The following CALD1 variants were observed in gnomAD, a reference collection of about 807,000 sequenced individuals.
CALD1 encodes the protein caldesmon 1, also known as caldesmon.
A neutral mutation model predicts 99.9 loss-of-function variants in CALD1; 33 were observed. That is an observed-to-expected ratio of 0.33 (90% confidence interval 0.25 to 0.44). CALD1 has a LOEUF of 0.44. Ranked by LOEUF, CALD1 falls within the 20% of genes least tolerant of loss-of-function variation. The probability of loss-of-function intolerance (pLI) is 1.00; values close to 1 mark genes in which losing one functional copy is unlikely to be tolerated. For missense variants in CALD1, 861 were observed against 962.1 expected, an observed-to-expected ratio of 0.89 and a Z score of 1.39; for synonymous variants, 310 against 325.0, an observed-to-expected ratio of 0.95 and a Z score of 0.50.
At chr7:134,891,390 G>T (rs559607001) in intron 3 of CALD1, 2 of 1,268,114 alleles carry the variant, frequency 1.6e-6, no homozygotes, top group Admixed American at 3.6e-5. Flanking sequence ...TGATGATCCT[G>T]TGAGGAGGGA....
chr7:134,878,721 G>C (rs1801462569), intron 3 of CALD1, among the ~76,000 whole-genome samples: 1 of 152,144 alleles, frequency 6.6e-6, no homozygotes, highest in Non-Finnish European at 1.5e-5. Context: ...CAACACTTTG[G>C]GAGGCTGAGG....
At chr7:134,888,007 A>G (rs534539899) in intron 3 of CALD1, among the ~76,000 whole-genome samples, 3 of 152,332 alleles carry the variant, frequency 2.0e-5, no homozygotes, top group African/African-American at 7.2e-5. Flanking sequence ...TGCAGACTCT[A>G]AAGTCTGGAA....
chr7:134,775,726 A>T (rs947728616), upstream of CALD1, among the ~76,000 whole-genome samples: 3 of 151,536 alleles, frequency 2.0e-5, no homozygotes, highest in African/African-American at 7.3e-5. Flanking sequence ...AAAAAAAAAG[A>T]AAAGAATAAT....
intron 1 of CALD1, among the ~76,000 whole-genome samples, chr7:134,773,428 C>T (rs568787861): frequency 3.9e-5 from 6 of 152,240 alleles, no homozygotes; most frequent in African/African-American, 1.4e-4. Context: ...CGTGTGCCAC[C>T]ATGCTCAGCT....
chr7:134,742,351 C>A (rs1399861917), upstream of CALD1, among the ~76,000 whole-genome samples: 1 of 152,174 alleles, frequency 6.6e-6, no homozygotes, highest in Admixed American at 6.5e-5. Flanking sequence ...AATGAGATCA[C>A]CCTTGGAGAA....
chr7:134,716,775 G>T, the CALD1 span, among the ~76,000 whole-genome samples: 1 of 152,122 alleles, frequency 6.6e-6, no homozygotes, highest in Admixed American at 6.5e-5. Context: ...TTTTATTAAG[G>T]AATAGTATTT....
chr7:134,874,145 G>A (rs1801234538), intron 3 of CALD1, among the ~76,000 whole-genome samples: 1 of 151,682 alleles, frequency 6.6e-6, no homozygotes, highest in Non-Finnish European at 1.5e-5. Context: ...CCGAAAGAAT[G>A]TTGAGCTGTG....
chr7:134,756,641 T>C (rs951169723), intron 1 of CALD1, among the ~76,000 whole-genome samples: 1 of 152,204 alleles, frequency 6.6e-6, no homozygotes, highest in Non-Finnish European at 1.5e-5. Flanking sequence ...AGCTCCCACA[T>C]TGAGGACCTG....
At chr7:134,913,330 C>A (rs529949200) in intron 3 of CALD1, among the ~76,000 whole-genome samples, 1 of 152,128 alleles carries the variant, frequency 6.6e-6, no homozygotes. Context: ...ATAAACTGAA[C>A]TTAGAACCAG....
intron 1 of CALD1, among the ~76,000 whole-genome samples, chr7:134,838,035 C>T (rs12666326): frequency 0.14 from 21,246 of 152,186 alleles, 1,617 homozygotes; most frequent in African/African-American, 0.2. Context: ...CAGAATGCCA[C>T]AAAAATTCTG....
the CALD1 span, among the ~76,000 whole-genome samples, chr7:134,726,276 A>C: frequency 6.7e-6 from 1 of 149,046 alleles, no homozygotes; most frequent in Non-Finnish European, 1.5e-5. Context: ...CAATTAGCAT[A>C]TATAACTATA....
intron 1 of CALD1, among the ~76,000 whole-genome samples, chr7:134,832,365 G>C (rs1030504584): frequency 1.6e-4 from 24 of 152,166 alleles, no homozygotes; most frequent in African/African-American, 5.1e-4. Flanking sequence ...ATTTCTAGTG[G>C]GTGGTGGGAG....
intron 2 of CALD1, among the ~76,000 whole-genome samples, chr7:134,844,978 C>T (rs561487887): frequency 2.5e-4 from 38 of 152,286 alleles, no homozygotes; most frequent in Middle Eastern, 3.4e-3. Context: ...AGGATTTCAA[C>T]GTATGAATTT....
chr7:134,841,338 G>C (rs1799640275), intron 1 of CALD1, among the ~76,000 whole-genome samples: 1 of 152,082 alleles, frequency 6.6e-6, no homozygotes, highest in Non-Finnish European at 1.5e-5. Flanking sequence ...TTAATAATGT[G>C]TTATTATTAC....
chr7:134,805,842 C>T (rs1356956008), intron 1 of CALD1, among the ~76,000 whole-genome samples: 1 of 151,374 alleles, frequency 6.6e-6, no homozygotes, highest in Non-Finnish European at 1.5e-5. Context: ...CTCACTGCAA[C>T]CTCTGCCTCT....
In CALD1 at chr7:134,943,009, G is replaced by A. The variant is rs530800553; in HGVS notation, c.1532+1772G>A. On this transcript the variant is annotated intron_variant, in intron 7 of 14. Coordinates refer to ENST00000361675, the MANE Select transcript of CALD1 (RefSeq NM_033138.4). The stretch of plus-strand genomic sequence containing the variant: ...GCCTTAATTTTTCTATTTTGGGCAG[G>A]AAAAAAAAATACAGGAACAAGCTGC... Among the ~76,000 whole-genome samples the A allele has an allele frequency of 9.3e-5, 14 of 150,578 alleles. No homozygotes were observed. The South Asian group carries it at 2.7e-3, about 29-fold the overall frequency.
At chr7:134,871,067 C>G (rs1474730243) in intron 3 of CALD1, among the ~76,000 whole-genome samples, 1 of 152,168 alleles carries the variant, frequency 6.6e-6, no homozygotes, top group Non-Finnish European at 1.5e-5. Context: ...GTCCCTCTTC[C>G]TTTAGCTCCA....
intron 3 of CALD1, among the ~76,000 whole-genome samples, chr7:134,881,079 T>C (rs1315792755): frequency 1.3e-5 from 2 of 152,198 alleles, no homozygotes; most frequent in Non-Finnish European, 2.9e-5. Flanking sequence ...CAGTTTTCCA[T>C]GAGAACTCTG....
intron 3 of CALD1, among the ~76,000 whole-genome samples, chr7:134,887,796 G>T (rs1801943306): frequency 7.0e-6 from 1 of 143,674 alleles, no homozygotes; most frequent in Admixed American, 6.7e-5. Context: ...GTGTATGTGT[G>T]CGCATGTGTA....
Sources: allele counts gnomAD v4.1 joint callset (sites outside exome capture counted in the v4.1 genomes callset), GRCh38; gene constraint gnomAD v4.1.1; transcripts MANE v1.5; gene names NCBI Gene and HGNC (gene_info 2026-07-23, HGNC 2026-07-21).